Variants in SHLD1 observed in about 807,000 individuals in gnomAD.
SHLD1 encodes the protein RINN1-REV7-interacting novel NHEJ regulator 3.
Under a neutral mutation model 5.5 loss-of-function variants are expected in SHLD1, and 3 were observed. The ratio of observed to expected loss-of-function variants is 0.54; its 90% confidence interval spans 0.25 to 1.40. The LOEUF is 1.40. SHLD1 is among the 40% of genes most tolerant of loss of function. The pLI is 0.15. For missense variants in SHLD1, 210 were observed against 244.4 expected (o/e 0.86, Z 0.94); for synonymous variants, 92 against 94.3 (o/e 0.98, Z 0.14).
intron 2 of SHLD1, among the ~76,000 whole-genome samples, chr20:5,781,734 C>A (rs745709435): frequency 7.9e-5 from 12 of 152,166 alleles, no homozygotes; most frequent in African/African-American, 2.7e-4. Context: ...CCACCTTGGC[C>A]TCCCGAAGTG....
chr20:5,856,504 G>A (rs568833758), intron 2 of SHLD1, among the ~76,000 whole-genome samples: 4 of 149,494 alleles, frequency 2.7e-5, no homozygotes, highest in South Asian at 2.1e-4. Flanking sequence ...AAAAAGTGAG[G>A]CGTGGAGCAG....
chr20:5,772,200 A>G (rs1985206291), intron 1 of SHLD1: 1 of 453,882 alleles, frequency 2.2e-6, no homozygotes. Flanking sequence ...TGCCTAAAGA[A>G]AGTATTTTGT....
At chr20:5,787,867 A>AT (rs1413366266) in intron 2 of SHLD1, among the ~76,000 whole-genome samples, 2 of 152,236 alleles carry the variant, frequency 1.3e-5, no homozygotes, top group East Asian at 3.8e-4. Flanking sequence ...AAAAGCATAT[A>AT]TTATTACATA....
chr20:5,824,660 A>C (rs2087646089), intron 2 of SHLD1, among the ~76,000 whole-genome samples: 1 of 149,052 alleles, frequency 6.7e-6, no homozygotes, highest in Admixed American at 6.7e-5. Flanking sequence ...CCTGGCTCCC[A>C]ACCTCAACTT....
At chr20:5,828,833 AT>A (rs1334366885) in intron 2 of SHLD1, among the ~76,000 whole-genome samples, 1 of 152,162 alleles carries the variant, frequency 6.6e-6, no homozygotes, top group African/African-American at 2.4e-5. Flanking sequence ...ATTTTATATC[AT>A]TTCACTAATG....
intron 2 of SHLD1, among the ~76,000 whole-genome samples, chr20:5,835,392 T>C (rs1167580038): frequency 2.0e-5 from 3 of 152,224 alleles, no homozygotes; most frequent in Non-Finnish European, 4.4e-5. Flanking sequence ...TCCCTGCCTC[T>C]GGGAAGTCCC....
chr20:5,764,007 A>G (rs1461275100), intron 1 of SHLD1, among the ~76,000 whole-genome samples: 2 of 147,292 alleles, frequency 1.4e-5, no homozygotes, highest in African/African-American at 5.0e-5. Context: ...TGCACCTGTA[A>G]TCCCAGCTAC....
intron 2 of SHLD1, among the ~76,000 whole-genome samples, chr20:5,847,121 T>G (rs112326569): frequency 2.6e-5 from 4 of 152,258 alleles, no homozygotes; most frequent in African/African-American, 9.6e-5. Flanking sequence ...AATTATTGCA[T>G]ATCTTGGTAT....
rs2088076439 is a variant in SHLD1 at position 5,855,885 on chromosome 20, G to A, written c.179-7139G>A. On this transcript the variant is annotated intron_variant, in intron 2 of 2. Transcript: ENST00000303142. This position sits in a 1 kb window ranked among gnomAD's most constrained non-coding sequence, Gnocchi z 4.4. ...ATCAGGCTTGGCCATATGACTTCAC[G>A]TTAGCCAGTGAAATATGAACAGAAG... Among the ~76,000 whole-genome samples, 2 of 152,240 alleles carry A rather than the reference G, an allele frequency of 1.3e-5. No individual in the cohort carries two copies. Among genetic ancestry groups the A allele is most frequent in the South Asian group, 2.1e-4 (1 of 4,816 alleles).
At chr20:5,819,807 G>A (rs536383039) in intron 2 of SHLD1, among the ~76,000 whole-genome samples, 15 of 152,336 alleles carry the variant, frequency 9.8e-5, no homozygotes, top group Non-Finnish European at 1.5e-4. Context: ...GAATGACAGC[G>A]TGAGACCCAG....
At position 5,849,276 on chromosome 20, in the gene SHLD1, A is replaced by G. The variant is rs369714976; in HGVS notation, c.179-13748A>G. Among the ~76,000 whole-genome samples the G allele has an allele frequency of 2.1e-4, 32 of 152,350 alleles. 1 individual carries two copies. The East Asian group carries it at 6.2e-3, about 29-fold the overall frequency. ...GAAAGAGAACTCCAGCGAGGTGCCG[A>G]TGGTTCAGAGTGAATCAGGGCCAAT... On this transcript the variant is annotated intron_variant, in intron 2 of 2. Transcript: ENST00000303142.
At chr20:5,823,173 A>T (rs1007878525) in intron 2 of SHLD1, among the ~76,000 whole-genome samples, 154 of 146,482 alleles carry the variant, frequency 1.1e-3, no homozygotes, top group Non-Finnish European at 6.2e-4. Context: ...GGCTCCTGGG[A>T]CCCCTCCCTC....
chr20:5,798,938 C>T (rs2087251747), intron 2 of SHLD1, among the ~76,000 whole-genome samples: 1 of 152,172 alleles, frequency 6.6e-6, no homozygotes, highest in East Asian at 1.9e-4. Context: ...AATCCCCATA[C>T]TTTGGAAGGC....
At chr20:5,846,487 T>A (rs2087934291) in intron 2 of SHLD1, among the ~76,000 whole-genome samples, 2 of 152,340 alleles carry the variant, frequency 1.3e-5, no homozygotes, top group South Asian at 4.1e-4. Context: ...ACTCAATTGC[T>A]TTTCCTTTCT....
chr20:5,797,155 G>A (rs474071), intron 2 of SHLD1, among the ~76,000 whole-genome samples: 137,039 of 152,186 alleles, frequency 0.9, 61,794 homozygotes, highest in East Asian at 1. Flanking sequence ...TCTTCTTGAT[G>A]AAATAAGGAA....
At chr20:5,786,413 CAAATA>C (rs1224305699) in intron 2 of SHLD1, among the ~76,000 whole-genome samples, 1 of 152,024 alleles carries the variant, frequency 6.6e-6, no homozygotes. Flanking sequence ...CTCGCCTCTA[CAAATA>C]AAATAAATTA....
chr20:5,824,203 G>A (rs894059303), intron 2 of SHLD1, among the ~76,000 whole-genome samples: 2 of 152,114 alleles, frequency 1.3e-5, no homozygotes, highest in African/African-American at 4.8e-5. Context: ...TCCCACCTCC[G>A]GGATTTTGCA....
At chr20:5,858,166 C>T (rs2088115063) in intron 2 of SHLD1, among the ~76,000 whole-genome samples, 1 of 151,604 alleles carries the variant, frequency 6.6e-6, no homozygotes. Context: ...ATACATAGGT[C>T]CTCTTAATCA....
chr20:5,772,616 C>G (rs1985226608), intron 1 of SHLD1, among the ~76,000 whole-genome samples: 1 of 151,980 alleles, frequency 6.6e-6, no homozygotes, highest in Non-Finnish European at 1.5e-5. Flanking sequence ...GTTGTTTGAC[C>G]TTTAAAATTT....
Sources: gnomAD v4.1 joint callset for allele counts (sites outside exome capture counted in the v4.1 genomes callset) on GRCh38, gnomAD v4.1.1 for gene constraint, Gnocchi (gnomAD v3.1) non-coding constraint, MANE v1.5 for transcripts, NCBI Gene and HGNC (gene_info 2026-07-23, HGNC 2026-07-21) for gene names.